Variants in NCOA2 observed in about 807,000 individuals in gnomAD.
NCOA2 encodes class E basic helix-loop-helix protein 75.
A neutral mutation model predicts 145.1 loss-of-function variants in NCOA2; 21 were observed. The observed-to-expected ratio is 0.14, with a 90% CI of 0.10 to 0.21. NCOA2 has a LOEUF of 0.21. NCOA2 is among the 10% of genes least tolerant of loss of function. NCOA2 has a pLI of 1.00. For missense variants in NCOA2, 1,472 were observed against 1,837.6 expected, an observed-to-expected ratio of 0.80 and a Z score of 3.64; for synonymous variants, 619 against 637.5, an observed-to-expected ratio of 0.97 and a Z score of 0.44.
intron 2 of NCOA2, among the ~76,000 whole-genome samples, chr8:70,270,569 G>A (rs1252632835): frequency 2.6e-5 from 4 of 152,062 alleles, no homozygotes; most frequent in Non-Finnish European, 5.9e-5. Flanking sequence ...GTGGCTGGCG[G>A]GGGTGGGGGG....
intron 1 of NCOA2, among the ~76,000 whole-genome samples, chr8:70,378,401 T>C (rs963288678): frequency 6.6e-6 from 1 of 152,128 alleles, no homozygotes; most frequent in South Asian, 2.1e-4. Flanking sequence ...AGTAGAGTCA[T>C]AGGTAGAAAT....
At position 70,138,316 on chromosome 8, in the gene NCOA2, C is replaced by G; in HGVS notation, c.3045G>C (p.Glu1015Asp). 6.2e-7 allele frequency: 1 copy of G among 1,610,194 alleles called. No individual in the cohort carries two copies. Among genetic ancestry groups the G allele is most frequent in the Non-Finnish European group, 8.5e-7 (1 of 1,178,524 alleles). ...QVMNIGPSELEMNMGGPQYSQ... is the reference protein window; with the variant it reads ...QVMNIGPSELDMNMGGPQYSQ... The stretch of plus-strand genomic sequence containing the variant: ...TATACTGAGGTCCCCCCATGTTCAT[C>G]TCTAATTCAGATGGCCCTAGAAAGG... Residue 1015 changes from glutamate to aspartate, a missense_variant, in exon 15 of 23, where the codon GAG (glutamate) becomes GAC (aspartate). Around this residue, in one of 4 missense-constraint regions of NCOA2, gnomAD observed 953 missense variants for 1,062.1 expected, o/e 0.90. Coordinates refer to ENST00000452400, the MANE Select transcript of NCOA2 (RefSeq NM_006540.4).
At chr8:70,363,863 G>A (rs1228148754) in intron 1 of NCOA2, among the ~76,000 whole-genome samples, 4 of 152,042 alleles carry the variant, frequency 2.6e-5, no homozygotes, top group Admixed American at 2.6e-4. Flanking sequence ...TATATAAACT[G>A]ATTTTTTTTT....
intron 4 of NCOA2, among the ~76,000 whole-genome samples, chr8:70,190,157 T>C (rs1166769416): frequency 6.6e-6 from 1 of 152,176 alleles, no homozygotes; most frequent in Non-Finnish European, 1.5e-5. Flanking sequence ...TATATTATCC[T>C]CTCAGGATAA....
intron 1 of NCOA2, among the ~76,000 whole-genome samples, chr8:70,384,719 C>T (rs532878165): frequency 1.3e-5 from 2 of 152,224 alleles, no homozygotes; most frequent in African/African-American, 4.8e-5. Flanking sequence ...AGAGCTTTAA[C>T]TCTATTGACT....
chr8:70,228,967 T>C (rs529540916), intron 2 of NCOA2, among the ~76,000 whole-genome samples: 3 of 152,358 alleles, frequency 2.0e-5, no homozygotes, highest in East Asian at 1.9e-4. Flanking sequence ...ATAGCACAAA[T>C]ATATGATTTC....
At chr8:70,359,328 A>AT (rs1481262837) in intron 1 of NCOA2, among the ~76,000 whole-genome samples, 1 of 152,232 alleles carries the variant, frequency 6.6e-6, no homozygotes, top group Non-Finnish European at 1.5e-5. Context: ...CAAAATGTCG[A>AT]TCAATGAATG....
intron 2 of NCOA2, among the ~76,000 whole-genome samples, chr8:70,249,864 A>T (rs1586249484): frequency 6.6e-6 from 1 of 150,578 alleles, no homozygotes; most frequent in East Asian, 2.0e-4. Context: ...CTCGGAGGCT[A>T]AGGCAGGAGA....
In NCOA2 at chr8:70,124,713, C is replaced by T. The variant is rs760963726; in HGVS notation, c.4069G>A (p.Ala1357Thr). ...CTGTTTCCGCCCATGTTCCCCTGCG[C>T]CCATCCATTTATGTCGGAGGGGGCC... The part of the protein sequence containing the change: ...YQAPSDINGW[A>T]QGNMGGNSMF... Residue 1357 changes from alanine (A) to threonine (T), a missense_variant, in exon 20 of 23, where the codon GCG (alanine) becomes ACG (threonine). This residue lies in a region of NCOA2 where 232 missense variants were observed against 290.6 expected (regional missense o/e 0.80). Transcript: ENST00000452400. The T allele has an allele frequency of 1.2e-6, 2 of 1,611,152 alleles. No homozygotes were observed. The highest frequency in any genetic ancestry group is 2.2e-5 in the South Asian group (2 of 90,564).
chr8:70,137,643 TCCAAGTGCGAC>T (rs1809888127), intron 15 of NCOA2, among the ~76,000 whole-genome samples: 1 of 152,202 alleles, frequency 6.6e-6, no homozygotes, highest in East Asian at 1.9e-4. Context: ...TGACAGCAGC[TCCAAGTGCGAC>T]AGCAATGGCT....
chr8:70,374,328 C>T (rs1023065511), intron 1 of NCOA2, among the ~76,000 whole-genome samples: 4 of 151,832 alleles, frequency 2.6e-5, no homozygotes, highest in East Asian at 1.9e-4. Context: ...ATAAATTAGC[C>T]AGGCATGGTG....
At chr8:70,435,424 CAAAAAAAAAAA>C in the NCOA2 span, among the ~76,000 whole-genome samples, 47 of 20,150 alleles carry the variant, frequency 2.3e-3, no homozygotes, top group African/African-American at 7.1e-3. Flanking sequence ...GACTCCGTCT[CAAAAAAAAAAA>C]AAAAAAAAAA....
At chr8:70,399,538 C>T (rs1157736670) in intron 1 of NCOA2, among the ~76,000 whole-genome samples, 1 of 152,192 alleles carries the variant, frequency 6.6e-6, no homozygotes, top group African/African-American at 2.4e-5. Flanking sequence ...GACTTATTTT[C>T]TCCCTCCTAT....
chr8:70,211,999 G>C (rs1401403059), intron 4 of NCOA2, among the ~76,000 whole-genome samples: 3 of 150,764 alleles, frequency 2.0e-5, no homozygotes, highest in Non-Finnish European at 2.9e-5. Flanking sequence ...CATGTTTTAT[G>C]GTTTGAAGGG....
intron 2 of NCOA2, among the ~76,000 whole-genome samples, chr8:70,260,979 T>C (rs1186503280): frequency 6.6e-6 from 1 of 152,126 alleles, no homozygotes. Flanking sequence ...TGTGGAGAAA[T>C]AGGAACACTT....
At chr8:70,337,533 A>T (rs1316991476) in intron 1 of NCOA2, among the ~76,000 whole-genome samples, 1 of 151,988 alleles carries the variant, frequency 6.6e-6, no homozygotes, top group African/African-American at 2.4e-5. Context: ...AACTTGTATA[A>T]CTCTACCATC....
At chr8:70,262,372 C>G (rs1176357406) in intron 2 of NCOA2, among the ~76,000 whole-genome samples, 2 of 152,202 alleles carry the variant, frequency 1.3e-5, no homozygotes, top group African/African-American at 4.8e-5. Context: ...ATCAACATGT[C>G]CAGTCCTCTG....
At chr8:70,266,202 A>G (rs1294804873) in intron 2 of NCOA2, among the ~76,000 whole-genome samples, 2 of 152,182 alleles carry the variant, frequency 1.3e-5, no homozygotes, top group Non-Finnish European at 2.9e-5. Flanking sequence ...TTGTTCTGTC[A>G]CCGAGGTGGG....
At chr8:70,248,174 G>A (rs1424618573) in intron 2 of NCOA2, among the ~76,000 whole-genome samples, 2 of 152,226 alleles carry the variant, frequency 1.3e-5, no homozygotes, top group African/African-American at 4.8e-5. Flanking sequence ...CTGGTGAGAA[G>A]TAAAACAAGG....
Sources: gnomAD v4.1 joint callset for allele counts (sites outside exome capture counted in the v4.1 genomes callset) on GRCh38, gnomAD v4.1.1 for gene constraint, gnomAD v4.1.1 regional missense constraint, MANE v1.5 for transcripts, NCBI Gene and HGNC (gene_info 2026-07-23, HGNC 2026-07-21) for gene names.